The following TRIM61 variants were observed in gnomAD, a reference collection of about 807,000 sequenced individuals.
The protein encoded by TRIM61 is tripartite motif containing 61, also known as putative tripartite motif-containing protein 61.
TRIM61 carries 1 observed loss-of-function variant against 14.2 expected under a neutral mutation model. The ratio of observed to expected loss-of-function variants is 0.07; its 90% CI spans 0.03 to 0.33. The LOEUF (loss-of-function observed/expected upper bound fraction) is 0.33. TRIM61 is among the 10% of genes least tolerant of loss of function. The pLI, the probability that TRIM61 is intolerant of heterozygous loss-of-function variation, is 0.99. For synonymous variants in TRIM61, 8 were observed against 71.6 expected, an observed-to-expected ratio of 0.11 and a Z score of 4.49; for missense variants, 19 against 202.2, an observed-to-expected ratio of 0.09 and a Z score of 5.49.
intron 2 of TRIM61, among the ~76,000 whole-genome samples, chr4:164,973,584 CTAGCTACATG>C (rs2111152828): frequency 6.6e-6 from 1 of 152,310 alleles, no homozygotes; most frequent in Admixed American, 6.5e-5. Context: ...TAACACTTAG[CTAGCTACATG>C]TACTTGGTCA....
At chr4:164,962,221 CT>C (rs10712896) in intron 3 of TRIM61, among the ~76,000 whole-genome samples, 29,036 of 128,756 alleles carry the variant, frequency 0.23, 3,066 homozygotes, top group East Asian at 0.56. Context: ...ATAGTTACTT[CT>C]TTTTTTTTTT....
intron 2 of TRIM61, among the ~76,000 whole-genome samples, chr4:164,975,086 AGCCGGGCATGGTGGCGC>A (rs1284848109): frequency 6.6e-6 from 1 of 152,118 alleles, no homozygotes; most frequent in African/African-American, 2.4e-5. Flanking sequence ...TGCAAAAATT[AGCCGGGCATGGTGGCGC>A]GCCTGTAGTC....
At chr4:164,957,201 T>C (rs748066191) in intron 3 of TRIM61, 2 of 1,613,854 alleles carry the variant, frequency 1.2e-6, no homozygotes, top group East Asian at 2.2e-5. Context: ...GTCTCTTTGC[T>C]CAGACATCCA....
At chr4:164,969,064 A>G (rs1732302319) in intron 3 of TRIM61, 11 of 1,064,746 alleles carry the variant, frequency 1.0e-5, no homozygotes, top group African/African-American at 1.7e-5. Flanking sequence ...CAGTTTTTCT[A>G]TCTTCTGAGA....
chr4:164,961,574 AAG>A (rs1732137482), intron 3 of TRIM61, among the ~76,000 whole-genome samples: 1 of 152,094 alleles, frequency 6.6e-6, no homozygotes, highest in African/African-American at 2.4e-5. Flanking sequence ...AAAATAAAAA[AAG>A]AGCAGAAGAA....
chr4:164,958,830 CAG>C (rs1251525045), intron 3 of TRIM61: 2 of 167,042 alleles, frequency 1.2e-5, no homozygotes, highest in African/African-American at 4.8e-5. Flanking sequence ...TCCTGTTAAA[CAG>C]AGGCATGATT....
chr4:164,966,923 T>C (rs1338500491), intron 3 of TRIM61, among the ~76,000 whole-genome samples: 1 of 151,552 alleles, frequency 6.6e-6, no homozygotes, highest in Non-Finnish European at 1.5e-5. Context: ...CGAGACTCTA[T>C]GTCAAAAATA....
intron 3 of TRIM61, chr4:164,968,606 G>A (rs899121223): frequency 4.1e-6 from 4 of 985,562 alleles, no homozygotes; most frequent in Non-Finnish European, 4.8e-6. Context: ...ATCTGTTACT[G>A]TAGAAATTTT....
At chr4:164,958,680 T>C (rs564421241) in intron 3 of TRIM61, 3 of 167,166 alleles carry the variant, frequency 1.8e-5, no homozygotes, top group Non-Finnish European at 4.4e-5. Context: ...TGAAAGATGG[T>C]ATTACACAGT....
At chr4:164,955,780 G>A (rs1731973709) in intron 3 of TRIM61, among the ~76,000 whole-genome samples, 1 of 152,096 alleles carries the variant, frequency 6.6e-6, no homozygotes, top group South Asian at 2.1e-4. Context: ...CACACACCCA[G>A]ATGGAAGCAC....
chr4:164,970,466 T>C lies in TRIM61; in HGVS notation c.-337-127A>G, dbSNP rs138607680. 430 of 175,096 alleles carry C rather than the reference T, an allele frequency of 2.5e-3. 3 individuals are homozygous for C. The highest frequency in any genetic ancestry group is 3.8e-3 in the Non-Finnish European group (311 of 81,442). 10.8% of individuals were successfully genotyped at this position (175,096 alleles called of 1,614,324 possible). A position where few individuals can be genotyped will look rare whatever the true frequency, so the allele number is the denominator to read the frequency against. On this transcript the variant is annotated intron_variant, in intron 2 of 4. Coordinates refer to ENST00000329314, the MANE Select transcript of TRIM61 (RefSeq NM_001012414.3). ...TTCTTGGAAAAACAAGATTCTCATA[T>C]TGCAGAGATTCACGCCATACATTAC... is the stretch of plus-strand genomic sequence containing the variant.
intron 3 of TRIM61, chr4:164,959,022 AC>A (rs1309366389): frequency 2.4e-5 from 4 of 167,070 alleles, no homozygotes; most frequent in African/African-American, 9.7e-5. Context: ...CGTTCATATG[AC>A]TATATAATTG....
At chr4:164,961,172 A>G (rs1162445130) in intron 3 of TRIM61, among the ~76,000 whole-genome samples, 104 of 97,186 alleles carry the variant, frequency 1.1e-3, no homozygotes, top group East Asian at 3.7e-3. Context: ...AAAAAAAAAA[A>G]AAAAAAAAAA....
intron 3 of TRIM61, 72 bp downstream of exon 3, chr4:164,968,209 A>G: frequency 1.0e-6 from 1 of 984,806 alleles, no homozygotes; most frequent in Non-Finnish European, 1.2e-6. Context: ...TTTACATAGC[A>G]GTAGTCCAAG....
intron 3 of TRIM61, among the ~76,000 whole-genome samples, chr4:164,965,322 C>A (rs752328716): frequency 2.0e-5 from 3 of 151,968 alleles, no homozygotes; most frequent in Non-Finnish European, 4.4e-5. Flanking sequence ...TAAATTGAAG[C>A]TTTACAATAG....
At chr4:164,971,005 G>A (rs1249075245) in intron 2 of TRIM61, among the ~76,000 whole-genome samples, 1 of 152,168 alleles carries the variant, frequency 6.6e-6, no homozygotes, top group Non-Finnish European at 1.5e-5. Context: ...GGAGGCTGAG[G>A]CAGGAGAACC....
chr4:164,961,868 TTCA>T (rs1433050956), intron 3 of TRIM61, among the ~76,000 whole-genome samples: 12 of 152,204 alleles, frequency 7.9e-5, no homozygotes, highest in Admixed American at 7.2e-4. Flanking sequence ...ATAGGATGAT[TTCA>T]TCATTCTGTG....
At chr4:164,957,474 C>T in intron 3 of TRIM61, 2 of 1,613,394 alleles carry the variant, frequency 1.2e-6, no homozygotes, top group Non-Finnish European at 8.5e-7. Context: ...GGCTGGCTCC[C>T]GCTGGGCTCA....
intron 3 of TRIM61, among the ~76,000 whole-genome samples, chr4:164,966,054 A>G (rs1457785161): frequency 1.3e-5 from 2 of 152,264 alleles, no homozygotes; most frequent in African/African-American, 4.8e-5. Flanking sequence ...CCACTGGCTT[A>G]GTGAACAAAT....
Sources: gnomAD v4.1 joint callset for allele counts (sites outside exome capture counted in the v4.1 genomes callset) on GRCh38, gnomAD v4.1.1 for gene constraint, MANE v1.5 for transcripts, NCBI Gene and HGNC (gene_info 2026-07-23, HGNC 2026-07-21) for gene names.